The following TNFRSF10B variants were observed in gnomAD, a reference collection of about 807,000 sequenced individuals.
TNFRSF10B encodes TNF receptor superfamily member 10b.
TNFRSF10B carries 35 observed loss-of-function variants against 41.4 expected under a neutral mutation model. The ratio of observed to expected loss-of-function variants is 0.85; its 90% CI spans 0.65 to 1.12. The LOEUF (loss-of-function observed/expected upper bound fraction) is 1.12, where lower values mean the gene tolerates loss of function less well. TNFRSF10B is among the 50% of genes most tolerant of loss of function. The probability of loss-of-function intolerance (pLI) is 0.00; values close to 1 mark genes in which losing one functional copy is unlikely to be tolerated. For synonymous variants in TNFRSF10B, 230 were observed against 215.5 expected (o/e 1.07, Z -0.59); for missense variants, 584 against 552.7 (o/e 1.06, Z -0.57).
intron 2 of TNFRSF10B, among the ~76,000 whole-genome samples, chr8:23,032,347 C>T (rs1451889921): frequency 1.3e-5 from 2 of 152,102 alleles, no homozygotes; most frequent in Non-Finnish European, 2.9e-5. Context: ...AAGCTCACAC[C>T]ATCAGCCATG....
chr8:23,042,807 T>C (rs556538356), intron 2 of TNFRSF10B: 3 of 263,492 alleles, frequency 1.1e-5, no homozygotes, highest in South Asian at 6.1e-5. Flanking sequence ...GGAACCCTCC[T>C]AGGAGCACTC....
chr8:23,036,054 T>C (rs1367608733), intron 2 of TNFRSF10B, among the ~76,000 whole-genome samples: 1 of 149,810 alleles, frequency 6.7e-6, no homozygotes, highest in East Asian at 2.0e-4. Context: ...CACAGGCCCT[T>C]AGGTTTTGGA....
At chr8:23,046,919 T>G (rs1465468462) in intron 1 of TNFRSF10B, among the ~76,000 whole-genome samples, 3 of 152,142 alleles carry the variant, frequency 2.0e-5, no homozygotes, top group Non-Finnish European at 2.9e-5. Flanking sequence ...AGAATGAAAC[T>G]GGACCCTTAT....
rs181393384 is a variant in TNFRSF10B at position 23,061,960 on chromosome 8, G to A, written c.144+6791C>T. Among the ~76,000 whole-genome samples, 197 of 152,226 alleles carry A rather than the reference G, an allele frequency of 1.3e-3. 1 individual carries two copies. The highest frequency in any genetic ancestry group is 3.4e-3 in the Middle Eastern group (1 of 294). ...TGATAGTATTTTGTTGAAGATTTTT[G>A]CATCAGTTAGGGATACTGGGATATA... On this transcript the variant is annotated intron_variant, in intron 1 of 8. Coordinates refer to ENST00000276431, the MANE Select transcript of TNFRSF10B (RefSeq NM_003842.5).
chr8:23,050,770 C>T (rs1812501494), intron 1 of TNFRSF10B, among the ~76,000 whole-genome samples: 1 of 152,068 alleles, frequency 6.6e-6, no homozygotes, highest in Non-Finnish European at 1.5e-5. Flanking sequence ...GGGCTCCACC[C>T]AGAGCTCAAA....
In TNFRSF10B at chr8:23,022,545, G is replaced by C; in HGVS notation, c.*126C>G. On this transcript the variant is annotated 3_prime_UTR_variant, in exon 9 of 9. Transcript: ENST00000276431. ...TCCATCCACTGGGTGATGTTGGATG[G>C]GAGAGTTTCTTCCAGTACCGGTCAT... The C allele has an allele frequency of 1.0e-6, 1 of 993,360 alleles. No individual in the cohort carries two copies. The highest frequency in any genetic ancestry group is 1.6e-6 in the Non-Finnish European group (1 of 643,224). The allele number at this position is 993,360 out of a possible 1,614,324, so 61.5% of individuals were successfully genotyped here.
rs118099239 is a variant in TNFRSF10B at position 23,060,110 on chromosome 8, G to T, written c.144+8641C>A. ...GTTTTGCCTTTTTATCCAGTTAATAGTATCTTTTGATTCACAAGAGTTACT... is the reference window on the plus strand; with the variant it reads ...GTTTTGCCTTTTTATCCAGTTAATATTATCTTTTGATTCACAAGAGTTACT... On this transcript the variant is annotated intron_variant, in intron 1 of 8. Coordinates refer to ENST00000276431, the MANE Select transcript of TNFRSF10B (RefSeq NM_003842.5). Among the ~76,000 whole-genome samples the T allele has an allele frequency of 3.6e-4, 54 of 152,112 alleles. 1 individual carries two copies. The East Asian group carries it at 0.01, about 29-fold the overall frequency.
At chr8:23,026,004 A>G (rs1290216538) in intron 7 of TNFRSF10B, among the ~76,000 whole-genome samples, 1 of 152,212 alleles carries the variant, frequency 6.6e-6, no homozygotes, top group Admixed American at 6.5e-5. Flanking sequence ...TGAGCCCAGG[A>G]GGCAGGGGTT....
intron 2 of TNFRSF10B, among the ~76,000 whole-genome samples, chr8:23,040,541 G>C (rs1812163086): frequency 1.3e-5 from 2 of 148,816 alleles, no homozygotes; most frequent in Non-Finnish European, 3.0e-5. Flanking sequence ...AGTGAAAATG[G>C]TACATGCCAA....
chr8:23,053,242 G>C (rs2128818829), intron 1 of TNFRSF10B, among the ~76,000 whole-genome samples: 1 of 152,296 alleles, frequency 6.6e-6, no homozygotes, highest in South Asian at 2.1e-4. Flanking sequence ...TTCTGTCTAG[G>C]TCGTAGGCTC....
Position 23,036,907 on chromosome 8 carries a change from T to A in TNFRSF10B, c.251-6035A>T, listed in dbSNP as rs1812046362. Among the ~76,000 whole-genome samples the A allele has an allele frequency of 2.6e-5, 4 of 152,252 alleles. No individual in the cohort carries two copies. In the South Asian group the frequency reaches 8.3e-4, roughly 32 times the overall value. On this transcript the variant is annotated intron_variant, in intron 2 of 8. Coordinates refer to ENST00000276431, the MANE Select transcript of TNFRSF10B (RefSeq NM_003842.5). ...AGTACACCTGGTTGTTCATTTTGCTTGAGGGAAGAATGGCTAGACATGTAG... is the reference window on the plus strand; with the variant it reads ...AGTACACCTGGTTGTTCATTTTGCTAGAGGGAAGAATGGCTAGACATGTAG...
chr8:23,043,097 G>T lies in TNFRSF10B; in HGVS notation c.250+41C>A, dbSNP rs1242692624. 6 of 1,567,142 alleles carry T rather than the reference G, an allele frequency of 3.8e-6. No homozygotes were observed. The South Asian group carries it at 6.7e-5, about 17-fold the overall frequency. On this transcript the variant is annotated intron_variant, in intron 2 of 8. Transcript: ENST00000276431. ...ACAGACTGGAAGCTCATGGAGACAAGGGGAGGAGGGGCAAGGATTAGAGAC... is the reference window on the plus strand; with the variant it reads ...ACAGACTGGAAGCTCATGGAGACAATGGGAGGAGGGGCAAGGATTAGAGAC...
chr8:23,041,009 C>CAAAA (rs1256937307), intron 2 of TNFRSF10B, among the ~76,000 whole-genome samples: 1 of 151,102 alleles, frequency 6.6e-6, no homozygotes, highest in Non-Finnish European at 1.5e-5. Context: ...GACTTAATTA[C>CAAAA]AAAATAGGAA....
At chr8:23,068,708 C>T (rs752636639) in intron 1 of TNFRSF10B, 43 bp downstream of exon 1, 10 of 1,546,846 alleles carry the variant, frequency 6.5e-6, no homozygotes, top group African/African-American at 1.4e-5. Context: ...CTCCAGGCGC[C>T]AGGCACGCTC....
chr8:23,060,334 G>T (rs7843721), intron 1 of TNFRSF10B, among the ~76,000 whole-genome samples: 20,945 of 152,126 alleles, frequency 0.14, 1,832 homozygotes, highest in Non-Finnish European at 0.19. Context: ...TTAGGCTAAG[G>T]TTCACTTCAT....
chr8:23,020,353 C>T lies in TNFRSF10B; in HGVS notation c.*2318G>A, dbSNP rs1456189148. 1 of 454,032 alleles carries T rather than the reference C, an allele frequency of 2.2e-6. No individual in the cohort carries two copies. Among genetic ancestry groups the T allele is most frequent in the African/African-American group, 2.0e-5 (1 of 50,074 alleles). 28.1% of individuals were successfully genotyped at this position (454,032 alleles called of 1,614,324 possible). The stretch of plus-strand genomic sequence containing the variant: ...GGGGATATAGCAAAGCCTAATGTAA[C>T]TAAACAACAAAACCCCCAATTATTT... On this transcript the variant is annotated 3_prime_UTR_variant, in exon 9 of 9. Coordinates refer to ENST00000276431, the MANE Select transcript of TNFRSF10B (RefSeq NM_003842.5).
chr8:23,057,791 T>C (rs1305502347), intron 1 of TNFRSF10B, among the ~76,000 whole-genome samples: 1 of 152,178 alleles, frequency 6.6e-6, no homozygotes, highest in Non-Finnish European at 1.5e-5. Flanking sequence ...TTAACTCTCT[T>C]AACACTACAA....
At chr8:23,025,050 C>CT (rs1811662417) in intron 7 of TNFRSF10B, among the ~76,000 whole-genome samples, 1 of 152,194 alleles carries the variant, frequency 6.6e-6, no homozygotes, top group Admixed American at 6.5e-5. Flanking sequence ...ACTCAGAAGC[C>CT]GGTAAGTCCG....
chr8:23,036,304 T>C (rs1812028341), intron 2 of TNFRSF10B, among the ~76,000 whole-genome samples: 2 of 152,218 alleles, frequency 1.3e-5, no homozygotes. Flanking sequence ...AAAATTGGGC[T>C]TAAATAGGCC....
Sources: gnomAD v4.1 joint callset for allele counts (sites outside exome capture counted in the v4.1 genomes callset) on GRCh38, gnomAD v4.1.1 for gene constraint, MANE v1.5 for transcripts, NCBI Gene and HGNC (gene_info 2026-07-23, HGNC 2026-07-21) for gene names.